Variants in PDPN observed in about 807,000 individuals in gnomAD.
PDPN encodes podoplanin.
In PDPN, 12 loss-of-function variants were observed where a neutral mutation model predicts 23.2. The ratio of observed to expected loss-of-function variants is 0.52; its 90% confidence interval spans 0.33 to 0.84. The LOEUF is 0.84. PDPN is among the 40% of genes least tolerant of loss of function. The probability of loss-of-function intolerance (pLI) is 0.02; values close to 1 mark genes in which losing one functional copy is unlikely to be tolerated. For synonymous variants in PDPN, 77 were observed against 76.7 expected, an observed-to-expected ratio of 1.00 and a Z score of -0.02; for missense variants, 199 against 212.2, an observed-to-expected ratio of 0.94 and a Z score of 0.39.
chr1:13,611,014 G>A (rs1366198883), intron 3 of PDPN, among the ~76,000 whole-genome samples: 1 of 152,208 alleles, frequency 6.6e-6, no homozygotes, highest in Non-Finnish European at 1.5e-5. Flanking sequence ...AAGGTCAGGA[G>A]ATCAAGACCA....
At chr1:13,590,882 G>T (rs1640324678) in intron 1 of PDPN, among the ~76,000 whole-genome samples, 1 of 151,982 alleles carries the variant, frequency 6.6e-6, no homozygotes. Flanking sequence ...GGCGGGTGGG[G>T]GTGGTCAGGA....
chr1:13,585,612 C>G (rs1381534768), intron 1 of PDPN: 1 of 1,352,044 alleles, frequency 7.4e-7, no homozygotes, highest in East Asian at 4.5e-5. Flanking sequence ...AGCTGTGATT[C>G]CCTTCAGCCG....
intron 1 of PDPN, among the ~76,000 whole-genome samples, chr1:13,599,739 A>C (rs1420593626): frequency 6.6e-6 from 1 of 151,996 alleles, no homozygotes. Context: ...AAGAGTGGAG[A>C]TCTTCCTTAC....
chr1:13,607,126 C>T (rs762876120), intron 1 of PDPN, 47 bp from the exon 2 acceptor site: 1 of 1,589,246 alleles, frequency 6.3e-7, no homozygotes, highest in Non-Finnish European at 8.6e-7. Flanking sequence ...GTTGGGTCTG[C>T]TTATGCAATT....
At chr1:13,609,373 A>G (rs1337856969) in intron 2 of PDPN, among the ~76,000 whole-genome samples, 2 of 152,220 alleles carry the variant, frequency 1.3e-5, no homozygotes, top group Non-Finnish European at 2.9e-5. Flanking sequence ...TATTCACATT[A>G]TAGTCCCAGG....
At chr1:13,611,320 A>T (rs1372201699) in intron 3 of PDPN, among the ~76,000 whole-genome samples, 1 of 152,210 alleles carries the variant, frequency 6.6e-6, no homozygotes, top group Non-Finnish European at 1.5e-5. Flanking sequence ...TAGCTAAAAT[A>T]CAGAAACAAC....
intron 2 of PDPN, 40 bp from the exon 3 acceptor site, chr1:13,610,347 G>A (rs758959674): frequency 1.9e-6 from 3 of 1,583,832 alleles, no homozygotes; most frequent in East Asian, 2.2e-5. Flanking sequence ...AAAGACAGTA[G>A]GCTTTATTTC....
intron 1 of PDPN, among the ~76,000 whole-genome samples, chr1:13,587,421 T>A (rs1640208855): frequency 6.6e-6 from 1 of 152,196 alleles, no homozygotes; most frequent in Non-Finnish European, 1.5e-5. Context: ...TTTGTCATAT[T>A]TCTGGCTTTG....
intron 5 of PDPN, chr1:13,614,729 G>C: frequency 2.2e-6 from 1 of 448,196 alleles, no homozygotes; most frequent in Non-Finnish European, 4.4e-6. Context: ...TGAGGCTGCA[G>C]TGAGCTATGA....
Position 13,599,373 on chromosome 1 carries a change from CTTTTT to C in PDPN, c.68-7774_68-7770del, listed in dbSNP as rs70984267. On this transcript the variant is annotated intron_variant, in intron 1 of 5. Coordinates refer to ENST00000621990, the MANE Select transcript of PDPN (RefSeq NM_006474.5). ...TATCTTGATGTGTTCGAGAAGCTAT[CTTTTT>C]TTTTTTTTTTTTTTTTTTTTTTTTT... Among the ~76,000 whole-genome samples, 17 of 77,100 alleles carry C rather than the reference CTTTTT, an allele frequency of 2.2e-4. No homozygotes were observed. The South Asian group carries it at 2.6e-3, about 12-fold the overall frequency. The allele number at this position is 77,100 out of a possible 152,430, so 50.6% of individuals were successfully genotyped here.
chr1:13,599,270 A>G (rs1640578504), intron 1 of PDPN, among the ~76,000 whole-genome samples: 1 of 151,574 alleles, frequency 6.6e-6, no homozygotes, highest in African/African-American at 2.4e-5. Flanking sequence ...CAGCCTCCCA[A>G]AGTGCTGGTG....
Position 13,615,861 on chromosome 1 carries a change from A to G in PDPN, c.483-44A>G, listed in dbSNP as rs747143270. ...AGGACTCACGGAGTTACTATTCACAATGCCAGTAAGAGACACGACCGTCAC... is the reference window on the plus strand; with the variant it reads ...AGGACTCACGGAGTTACTATTCACAGTGCCAGTAAGAGACACGACCGTCAC... On this transcript the variant is annotated intron_variant, in intron 5 of 5. Coordinates refer to ENST00000621990, the MANE Select transcript of PDPN (RefSeq NM_006474.5). The G allele has an allele frequency of 3.1e-6, 5 of 1,592,920 alleles. No homozygotes were observed. In the African/African-American group the frequency reaches 4.0e-5, roughly 13 times the overall value.
Position 13,607,186 on chromosome 1 carries a change from G to C in PDPN, c.81G>C (p.Gln27His). 6.2e-7 allele frequency: 1 copy of C among 1,614,044 alleles called. No homozygotes were observed. Among genetic ancestry groups the C allele is most frequent in the Non-Finnish European group, 8.5e-7 (1 of 1,179,934 alleles). The change falls in exon 2 of 6, where the codon CAG becomes CAC. Residue 27 changes from glutamine to histidine, a missense_variant. Gln to His is a conservative substitution (Grantham distance 24, BLOSUM62 0). Coordinates refer to ENST00000621990, the MANE Select transcript of PDPN (RefSeq NM_006474.5). ...TTTCTTCTTCAGCCAGCACAGGCCA[G>C]CCAGAAGATGACACTGAGACTACAG... is the stretch of plus-strand genomic sequence containing the variant. ...WVLAEGASTGQPEDDTETTGL... is the reference protein window; with the variant it reads ...WVLAEGASTGHPEDDTETTGL...
At chr1:13,615,136 G>A (rs67913176) in intron 5 of PDPN, among the ~76,000 whole-genome samples, 13,319 of 152,142 alleles carry the variant, frequency 0.088, 646 homozygotes, top group East Asian at 0.16. Flanking sequence ...GAGATCTTCC[G>A]CTCTTGCCCT....
intron 3 of PDPN, among the ~76,000 whole-genome samples, chr1:13,613,216 T>C (rs1640979823): frequency 1.3e-5 from 2 of 152,174 alleles, no homozygotes; most frequent in Non-Finnish European, 2.9e-5. Context: ...GAAATAGATA[T>C]TGAGACTAAC....
rs552057661 is a variant in PDPN, at chr1:13,616,322, C to G, written c.*411C>G. The G allele has an allele frequency of 2.6e-5, 6 of 226,712 alleles. No individual in the cohort carries two copies. Among genetic ancestry groups the G allele is most frequent in the African/African-American group, 1.4e-4 (6 of 43,730 alleles). 14.0% of individuals were successfully genotyped at this position (226,712 alleles called of 1,614,324 possible). ...TGGAAATATTTATATCCACGGAGTC[C>G]TTGGATCCAGTGCTACGTCAGTAAA... is the stretch of plus-strand genomic sequence containing the variant. On this transcript the variant is annotated 3_prime_UTR_variant, in exon 6 of 6. Transcript: ENST00000621990.
intron 1 of PDPN, among the ~76,000 whole-genome samples, chr1:13,600,592 C>T (rs982309258): frequency 2.6e-5 from 4 of 152,216 alleles, no homozygotes; most frequent in African/African-American, 9.6e-5. Context: ...CTTGAACTCC[C>T]GACCTCAGGT....
chr1:13,588,449 G>A (rs1032506518), intron 1 of PDPN, among the ~76,000 whole-genome samples: 7 of 151,760 alleles, frequency 4.6e-5, no homozygotes, highest in South Asian at 2.1e-4. Flanking sequence ...GTGATACAGC[G>A]AATATTGTCC....
chr1:13,600,567 G>C (rs12732247), intron 1 of PDPN, among the ~76,000 whole-genome samples: 8,048 of 152,176 alleles, frequency 0.053, 220 homozygotes, highest in Middle Eastern at 0.082. Context: ...GTTTCACCAC[G>C]TTGGCCAGGC....
Sources: allele counts gnomAD v4.1 joint callset (sites outside exome capture counted in the v4.1 genomes callset), GRCh38; gene constraint gnomAD v4.1.1; transcripts MANE v1.5; gene names NCBI Gene and HGNC (gene_info 2026-07-23, HGNC 2026-07-21).